ABCB1: variants seen among roughly 807,000 people sequenced by gnomAD.
ABCB1 encodes ATP binding cassette subfamily B member 1, also known as ATP-dependent translocase ABCB1.
Under a neutral mutation model 142.0 loss-of-function variants are expected in ABCB1, and 69 were observed. The ratio of observed to expected loss-of-function variants is 0.49; its 90% CI spans 0.40 to 0.59. The LOEUF is 0.59. Among genes scored for constraint, ABCB1 ranks in the 20% least tolerant of loss-of-function variants. The pLI is 0.00. For missense variants in ABCB1, 1,326 were observed against 1,554.7 expected, an observed-to-expected ratio of 0.85 and a Z score of 2.47; for synonymous variants, 532 against 539.2, an observed-to-expected ratio of 0.99 and a Z score of 0.18.
At chr7:87,681,037 G>A (rs914134120) in intron 1 of ABCB1, among the ~76,000 whole-genome samples, 11 of 150,524 alleles carry the variant, frequency 7.3e-5, no homozygotes. Context: ...AGGAATGAAA[G>A]AGGGCATATG....
In ABCB1 at chr7:87,595,857, A is replaced by C. The variant is rs192365005; in HGVS notation, c.69-43T>G. Reference sequence around the variant, plus strand: ...AATTACATAAAACTTTAAAAAGTACATATTTTTTAAATTACCCAAATTAAC... The same window carrying C: ...AATTACATAAAACTTTAAAAAGTACCTATTTTTTAAATTACCCAAATTAAC... On this transcript the variant is annotated intron_variant, in intron 2 of 27. Coordinates refer to ENST00000622132, the MANE Select transcript of ABCB1 (RefSeq NM_001348946.2). 4.0e-6 allele frequency: 6 copies of C among 1,484,448 alleles called. No homozygotes were observed. The African/African-American group carries it at 5.5e-5, about 14-fold the overall frequency. 92.0% of individuals were successfully genotyped at this position (1,484,448 alleles called of 1,614,324 possible).
At chr7:87,530,600 A>C (rs1815992773) in intron 21 of ABCB1, among the ~76,000 whole-genome samples, 1 of 152,142 alleles carries the variant, frequency 6.6e-6, no homozygotes, top group African/African-American at 2.4e-5. Context: ...AAGTAAAAAA[A>C]GGGTAAAGAT....
At chr7:87,600,272 G>T in intron 1 of ABCB1, 82 bp from the exon 2 acceptor site, 6 of 1,182,658 alleles carry the variant, frequency 5.1e-6, no homozygotes, top group Non-Finnish European at 6.2e-6. Flanking sequence ...GTCCCCCGTC[G>T]AAGCCAGAGA....
intron 1 of ABCB1, among the ~76,000 whole-genome samples, chr7:87,678,154 T>C (rs903111966): frequency 1.3e-5 from 2 of 152,214 alleles, no homozygotes; most frequent in Non-Finnish European, 2.9e-5. Flanking sequence ...GCAGAGTTTT[T>C]CTCCTCTATT....
chr7:87,695,640 A>G (rs528675827), intron 1 of ABCB1, among the ~76,000 whole-genome samples: 1 of 152,248 alleles, frequency 6.6e-6, no homozygotes, highest in South Asian at 2.1e-4. Context: ...TCAGTTTATC[A>G]TTCACTTTTT....
chr7:87,656,679 G>A (rs1389528118), intron 1 of ABCB1, among the ~76,000 whole-genome samples: 3 of 151,884 alleles, frequency 2.0e-5, no homozygotes, highest in Non-Finnish European at 4.4e-5. Flanking sequence ...TTAATTGATA[G>A]TTTAAAAAAA....
At chr7:87,647,507 A>G (rs1354867533) in intron 1 of ABCB1, among the ~76,000 whole-genome samples, 3 of 152,214 alleles carry the variant, frequency 2.0e-5, no homozygotes, top group African/African-American at 7.2e-5. Flanking sequence ...CTTTTGGAAA[A>G]TATAAGTTTC....
chr7:87,704,397 A>C (rs1271654780), intron 1 of ABCB1, among the ~76,000 whole-genome samples: 1 of 152,260 alleles, frequency 6.6e-6, no homozygotes, highest in Non-Finnish European at 1.5e-5. Context: ...AGAGAGGAAC[A>C]TAACAGTGTA....
chr7:87,671,824 T>C (rs1825850287), intron 1 of ABCB1, among the ~76,000 whole-genome samples: 1 of 152,122 alleles, frequency 6.6e-6, no homozygotes, highest in African/African-American at 2.4e-5. Flanking sequence ...CTGGAAAAGC[T>C]AAGTCAGGCA....
At chr7:87,525,971 C>T (rs755910715) in intron 21 of ABCB1, among the ~76,000 whole-genome samples, 28 of 152,110 alleles carry the variant, frequency 1.8e-4, no homozygotes, top group Non-Finnish European at 2.5e-4. Context: ...CCTGAATAAC[C>T]GAAACTCTTT....
chr7:87,644,885 A>T (rs1280641996), intron 1 of ABCB1, among the ~76,000 whole-genome samples: 9 of 151,966 alleles, frequency 5.9e-5, no homozygotes, highest in Non-Finnish European at 1.3e-4. Context: ...CACATTTAAA[A>T]TTTTTAAGTT....
chr7:87,521,497 C>A, intron 21 of ABCB1: 1 of 748,402 alleles, frequency 1.3e-6, no homozygotes, highest in East Asian at 2.5e-5. Context: ...GCCCAAACAG[C>A]TGAGGAAATT....
At chr7:87,704,964 A>G (rs1248832689) in intron 1 of ABCB1, among the ~76,000 whole-genome samples, 1 of 152,240 alleles carries the variant, frequency 6.6e-6, no homozygotes, top group Admixed American at 6.5e-5. Context: ...GCCTTGACAC[A>G]TGTGAAAAGA....
At chr7:87,573,172 T>C (rs747421370) in intron 4 of ABCB1, among the ~76,000 whole-genome samples, 13 of 152,204 alleles carry the variant, frequency 8.5e-5, no homozygotes, top group South Asian at 2.1e-4. Flanking sequence ...ATGTCTTACA[T>C]GACGACAGTC....
At chr7:87,662,257 G>A (rs952929778) in intron 1 of ABCB1, among the ~76,000 whole-genome samples, 13 of 152,156 alleles carry the variant, frequency 8.5e-5, no homozygotes, top group Admixed American at 7.2e-4. Context: ...TTAACTTGAT[G>A]TGATCTCACT....
upstream of ABCB1, among the ~76,000 whole-genome samples, chr7:87,602,066 T>C (rs1418001544): frequency 2.6e-5 from 4 of 152,160 alleles, no homozygotes; most frequent in African/African-American, 9.7e-5. Context: ...GGATCTCGGC[T>C]CACTGCAAGC....
At chr7:87,597,953 A>G (rs1305038799) in intron 2 of ABCB1, among the ~76,000 whole-genome samples, 1 of 152,136 alleles carries the variant, frequency 6.6e-6, no homozygotes, top group Non-Finnish European at 1.5e-5. Context: ...CTATTAATCT[A>G]GAAGTCCTCC....
intron 1 of ABCB1, among the ~76,000 whole-genome samples, chr7:87,710,289 A>G (rs954128776): frequency 6.6e-6 from 1 of 152,174 alleles, no homozygotes; most frequent in Non-Finnish European, 1.5e-5. Context: ...CATGTAATTC[A>G]AAAGAAGTCT....
chr7:87,580,790 A>G (rs537204061), intron 4 of ABCB1, among the ~76,000 whole-genome samples: 36 of 152,026 alleles, frequency 2.4e-4, no homozygotes, highest in African/African-American at 7.7e-4. Flanking sequence ...CCTGTCTTCA[A>G]GCTCACTAAT....
Sources: allele counts gnomAD v4.1 joint callset (sites outside exome capture counted in the v4.1 genomes callset), GRCh38; gene constraint gnomAD v4.1.1; transcripts MANE v1.5; gene names NCBI Gene and HGNC (gene_info 2026-07-23, HGNC 2026-07-21).